The following HECA variants were observed in gnomAD, a reference collection of about 807,000 sequenced individuals.
The protein encoded by HECA is headcase protein homolog.
Under a neutral mutation model 37.6 loss-of-function variants are expected in HECA, and 13 were observed. The ratio of observed to expected loss-of-function variants is 0.35; its 90% CI spans 0.23 to 0.55. HECA has a LOEUF of 0.55. HECA is among the 20% of genes least tolerant of loss of function. The pLI is 0.90. For synonymous variants in HECA, 307 were observed against 291.5 expected, an observed-to-expected ratio of 1.05 and a Z score of -0.54; for missense variants, 527 against 701.9, an observed-to-expected ratio of 0.75 and a Z score of 2.82.
At chr6:139,136,086 C>T (rs913190831) in intron 1 of HECA, among the ~76,000 whole-genome samples, 1 of 151,948 alleles carries the variant, frequency 6.6e-6, no homozygotes, top group African/African-American at 2.4e-5. Flanking sequence ...CAAGGCCACC[C>T]GTAACCCCCG....
At chr6:139,163,283 G>A (rs532933133) in intron 1 of HECA, among the ~76,000 whole-genome samples, 1 of 151,976 alleles carries the variant, frequency 6.6e-6, no homozygotes, top group African/African-American at 2.4e-5. Context: ...CAGCCCAAAT[G>A]TCTGTAGTGC....
chr6:139,149,609 C>T (rs1774627812), intron 1 of HECA, among the ~76,000 whole-genome samples: 1 of 152,162 alleles, frequency 6.6e-6, no homozygotes, highest in Non-Finnish European at 1.5e-5. Flanking sequence ...TCTTCCAAAT[C>T]TGTATTCTGC....
intron 1 of HECA, among the ~76,000 whole-genome samples, chr6:139,139,223 T>C (rs960795008): frequency 1.8e-4 from 27 of 152,346 alleles, no homozygotes; most frequent in African/African-American, 6.5e-4. Flanking sequence ...TTCCATTTGG[T>C]GGACCTAGAT....
At chr6:139,174,154 C>A (rs1168661364) in intron 2 of HECA, among the ~76,000 whole-genome samples, 1 of 152,154 alleles carries the variant, frequency 6.6e-6, no homozygotes, top group Non-Finnish European at 1.5e-5. Flanking sequence ...TGAATTGAAG[C>A]CAAGTTTTTA....
rs1316846762 is a variant in HECA at position 139,142,147 on chromosome 6, C to T, written c.271+6480C>T. The stretch of plus-strand genomic sequence containing the variant: ...TTCACCACGTTAGTCAGGATGGTCT[C>T]GATCTCTTGACCTTGTGATCCACTC... On this transcript the variant is annotated intron_variant, in intron 1 of 3. Coordinates refer to ENST00000367658, the MANE Select transcript of HECA (RefSeq NM_016217.3). Among the ~76,000 whole-genome samples the T allele has an allele frequency of 5.3e-5, 8 of 151,918 alleles. No homozygotes were observed. The East Asian group carries it at 5.8e-4, about 11-fold the overall frequency.
chr6:139,143,754 G>A (rs574768477), intron 1 of HECA, among the ~76,000 whole-genome samples: 13 of 151,984 alleles, frequency 8.6e-5, no homozygotes, highest in Admixed American at 4.6e-4. Context: ...CCAGCTACTC[G>A]GGAGGCTGAG....
chr6:139,143,185 C>T (rs1456479174), intron 1 of HECA, among the ~76,000 whole-genome samples: 2 of 152,200 alleles, frequency 1.3e-5, no homozygotes, highest in Non-Finnish European at 2.9e-5. Context: ...TAACCTTTCT[C>T]AGCCTCTGTT....
intron 2 of HECA, chr6:139,169,613 C>T (rs555031766): frequency 6.6e-6 from 1 of 152,318 alleles, no homozygotes; most frequent in South Asian, 2.1e-4. Flanking sequence ...AATGACTTCT[C>T]ACAATTCTGT....
Position 139,177,158 on chromosome 6 carries a change from A to G in HECA, c.*53A>G, listed in dbSNP as rs1032037086. ...TTTATTGATATTATTACTTTATTACATATCTTTTATAGGGAAACATTCTGT... is the reference window on the plus strand; with the variant it reads ...TTTATTGATATTATTACTTTATTACGTATCTTTTATAGGGAAACATTCTGT... On this transcript the variant is annotated 3_prime_UTR_variant, in exon 4 of 4. Transcript: ENST00000367658. This position sits in a 1 kb window ranked among gnomAD's most constrained non-coding sequence, Gnocchi z 4.9. 3.5e-5 allele frequency: 25 copies of G among 720,270 alleles called. No homozygotes were observed. Among genetic ancestry groups the G allele is most frequent in the Middle Eastern group, 5.9e-4 (2 of 3,404 alleles). The allele number at this position is 720,270 out of a possible 1,614,324, so 44.6% of individuals were successfully genotyped here.
At chr6:139,155,595 C>T (rs1774702083) in intron 1 of HECA, 1 of 152,192 alleles carries the variant, frequency 6.6e-6, no homozygotes, top group South Asian at 2.1e-4. Context: ...CACACATACA[C>T]TTACACATAT....
At chr6:139,159,097 AATT>A (rs1280899252) in intron 1 of HECA, 6 of 152,402 alleles carry the variant, frequency 3.9e-5, no homozygotes, top group African/African-American at 1.4e-4. Flanking sequence ...TGAAAAAAAA[AATT>A]ATTATTTCTG....
intron 2 of HECA, among the ~76,000 whole-genome samples, chr6:139,169,290 A>C (rs1462462250): frequency 6.6e-6 from 1 of 151,800 alleles, no homozygotes; most frequent in Non-Finnish European, 1.5e-5. Flanking sequence ...ATATATAATA[A>C]ATATATACAT....
At chr6:139,138,213 T>C (rs1774474303) in intron 1 of HECA, among the ~76,000 whole-genome samples, 1 of 152,212 alleles carries the variant, frequency 6.6e-6, no homozygotes, top group Non-Finnish European at 1.5e-5. Context: ...CTGGTGAATT[T>C]TTAAAGAGGA....
At chr6:139,138,138 T>C (rs895398160) in intron 1 of HECA, among the ~76,000 whole-genome samples, 3 of 152,160 alleles carry the variant, frequency 2.0e-5, no homozygotes, top group Non-Finnish European at 4.4e-5. Flanking sequence ...TTTCTTTCTT[T>C]CTTTGTTTTT....
At position 139,180,684 on chromosome 6, in the gene HECA, GTAAA is replaced by G. The variant is rs1242575258; in HGVS notation, c.*3582_*3585del. 1 of 152,588 alleles carries G rather than the reference GTAAA, an allele frequency of 6.6e-6. No homozygotes were observed. Among genetic ancestry groups the G allele is most frequent in the Non-Finnish European group, 1.5e-5 (1 of 68,034 alleles). 9.5% of individuals were successfully genotyped at this position (152,588 alleles called of 1,614,324 possible). ...TGCACTTTTGTTGAGGAAAGACAGT[GTAAA>G]TAGTTAAAGAATGTTGATAAAATTG... On this transcript the variant is annotated 3_prime_UTR_variant, in exon 4 of 4. Transcript: ENST00000367658.
At chr6:139,167,451 A>AACTT (rs1172211447) in intron 2 of HECA, 127 bp downstream of exon 2, 10 of 777,318 alleles carry the variant, frequency 1.3e-5, no homozygotes, top group Admixed American at 3.0e-5. Flanking sequence ...GGTGCTAGGT[A>AACTT]ACATTTGAAT....
In HECA at chr6:139,179,603, A is replaced by G. The variant is rs1775105312; in HGVS notation, c.*2498A>G. On this transcript the variant is annotated 3_prime_UTR_variant, in exon 4 of 4. Coordinates refer to ENST00000367658, the MANE Select transcript of HECA (RefSeq NM_016217.3). ...TCTGGGAATATCTTTTGCCTTTAAG[A>G]CGATTCATTCTTGTCTAGAGGGAAA... 6.6e-6 allele frequency: 1 copy of G among 152,226 alleles called. No individual in the cohort carries two copies. The highest frequency in any genetic ancestry group is 6.5e-5 in the Admixed American group (1 of 15,286). 9.4% of individuals were successfully genotyped at this position (152,226 alleles called of 1,614,324 possible).
chr6:139,138,722 C>T (rs564377392), intron 1 of HECA, among the ~76,000 whole-genome samples: 1 of 152,238 alleles, frequency 6.6e-6, no homozygotes, highest in East Asian at 1.9e-4. Context: ...TGCAGTTGTG[C>T]ATCTTGAGTA....
chr6:139,177,474 T>C lies in HECA; in HGVS notation c.*369T>C, dbSNP rs1465582972. 1.2e-5 allele frequency: 2 copies of C among 161,940 alleles called. No homozygotes were observed. Among genetic ancestry groups the C allele is most frequent in the African/African-American group, 2.4e-5 (1 of 41,738 alleles). The allele number at this position is 161,940 out of a possible 1,614,324, so 10.0% of individuals were successfully genotyped here. A position where few individuals can be genotyped will look rare whatever the true frequency, so the allele number is the denominator to read the frequency against. ...AACTCTTACTAAAATGTTAACTTTC[T>C]AAAAACCTTCTTTTAGATCTTCCTT... On this transcript the variant is annotated 3_prime_UTR_variant, in exon 4 of 4. Transcript: ENST00000367658. This position sits in a 1 kb window ranked among gnomAD's most constrained non-coding sequence, Gnocchi z 4.9.
Sources: allele counts gnomAD v4.1 joint callset (sites outside exome capture counted in the v4.1 genomes callset), GRCh38; gene constraint gnomAD v4.1.1; non-coding constraint Gnocchi (gnomAD v3.1); transcripts MANE v1.5; gene names NCBI Gene and HGNC (gene_info 2026-07-23, HGNC 2026-07-21).